LOC400499: variants seen among roughly 807,000 people sequenced by gnomAD.
the LOC400499 span, among the ~76,000 whole-genome samples, chr16:11,459,185 C>G: frequency 6.7e-6 from 1 of 148,362 alleles, no homozygotes; most frequent in Non-Finnish European, 1.5e-5. Flanking sequence ...ATATCCTAAA[C>G]CAATTTTTTT....
chr16:11,464,937 T>G, the LOC400499 span, among the ~76,000 whole-genome samples: 1 of 152,196 alleles, frequency 6.6e-6, no homozygotes, highest in African/African-American at 2.4e-5. Flanking sequence ...GGTGGAGCTT[T>G]AGGAGGAAGA....
chr16:11,516,473 T>C, the LOC400499 span, among the ~76,000 whole-genome samples: 25 of 152,262 alleles, frequency 1.6e-4, no homozygotes, highest in South Asian at 4.8e-3. Flanking sequence ...CCTCTGCAGC[T>C]GGGCTCTGGG....
At chr16:11,457,062 A>C in the LOC400499 span, 2 of 1,499,242 alleles carry the variant, frequency 1.3e-6, no homozygotes, top group Non-Finnish European at 1.8e-6. Context: ...CACCCCCCCA[A>C]GATGCCAATG....
chr16:11,392,901 T>A, the LOC400499 span: 1 of 651,684 alleles, frequency 1.5e-6, no homozygotes, highest in Non-Finnish European at 1.9e-6. Flanking sequence ...TCGCCTAGGC[T>A]GGTGTGTGGT....
the LOC400499 span, chr16:11,488,924 C>T: frequency 1.2e-3 from 482 of 398,260 alleles, 3 homozygotes; most frequent in Non-Finnish European, 9.8e-4. Flanking sequence ...CAGGAGCTGG[C>T]GCTGTCCAGA....
chr16:11,383,842 A>G, the LOC400499 span: 1 of 1,232,174 alleles, frequency 8.1e-7, no homozygotes, highest in Non-Finnish European at 1.0e-6. Flanking sequence ...AAGCTTGATG[A>G]GACAAAGGGC....
the LOC400499 span, among the ~76,000 whole-genome samples, chr16:11,406,475 C>A: frequency 0.14 from 21,143 of 152,246 alleles, 1,636 homozygotes; most frequent in Middle Eastern, 0.24. Context: ...TCTTGTCACC[C>A]AGGCCGCAGT....
the LOC400499 span, chr16:11,443,412 G>A: frequency 2.4e-6 from 1 of 412,024 alleles, no homozygotes; most frequent in African/African-American, 2.4e-5. Flanking sequence ...GGTGAGCTGA[G>A]ATCAAGTCAT....
the LOC400499 span, among the ~76,000 whole-genome samples, chr16:11,377,912 ATCT>A: frequency 2.6e-5 from 4 of 152,108 alleles, no homozygotes; most frequent in Non-Finnish European, 4.4e-5. Context: ...AAGGCATCTG[ATCT>A]TCTGCTTTTC....
At chr16:11,432,576 T>A in the LOC400499 span, among the ~76,000 whole-genome samples, 7 of 152,334 alleles carry the variant, frequency 4.6e-5, no homozygotes, top group Middle Eastern at 3.4e-3. Context: ...TCCAGGGTCA[T>A]AATGAGTGAT....
the LOC400499 span, among the ~76,000 whole-genome samples, chr16:11,473,941 G>A: frequency 4.6e-5 from 7 of 152,078 alleles, no homozygotes; most frequent in Non-Finnish European, 7.4e-5. Flanking sequence ...CTGTTGCCTC[G>A]ACCTCCTGGG....
the LOC400499 span, among the ~76,000 whole-genome samples, chr16:11,388,245 G>T: frequency 6.6e-6 from 1 of 152,156 alleles, no homozygotes; most frequent in African/African-American, 2.4e-5. Flanking sequence ...CACCAGGTAG[G>T]TGAGTAACCA....
chr16:11,495,866 CTT>C, the LOC400499 span, among the ~76,000 whole-genome samples: 2 of 152,196 alleles, frequency 1.3e-5, no homozygotes, highest in African/African-American at 4.8e-5. Context: ...AGAACTGAGA[CTT>C]AACCCAGGAG....
the LOC400499 span, among the ~76,000 whole-genome samples, chr16:11,421,538 AT>A: frequency 1.3e-5 from 2 of 152,042 alleles, no homozygotes; most frequent in Non-Finnish European, 2.9e-5. Flanking sequence ...AGTAGCTGGG[AT>A]TATACGCATG....
At chr16:11,518,193 T>C in the LOC400499 span, among the ~76,000 whole-genome samples, 2 of 152,230 alleles carry the variant, frequency 1.3e-5, no homozygotes, top group East Asian at 3.8e-4. Context: ...AGTGAGGATC[T>C]ATCTGTCCCT....
chr16:11,464,785 G>A, the LOC400499 span, among the ~76,000 whole-genome samples: 2 of 152,210 alleles, frequency 1.3e-5, no homozygotes, highest in South Asian at 4.1e-4. Context: ...ACATTTCCAG[G>A]CTGCAGGCAG....
the LOC400499 span, among the ~76,000 whole-genome samples, chr16:11,484,561 A>T: frequency 2.0e-5 from 3 of 152,188 alleles, no homozygotes; most frequent in Non-Finnish European, 4.4e-5. Context: ...TATTAACAAG[A>T]ACAGGAGTAC....
the LOC400499 span, chr16:11,390,278 C>G: frequency 3.2e-6 from 4 of 1,232,622 alleles, no homozygotes; most frequent in Non-Finnish European, 4.0e-6. Flanking sequence ...TGCTCACTCA[C>G]CAGCTCCAGG....
the LOC400499 span, chr16:11,462,007 T>C: frequency 5.1e-6 from 5 of 980,062 alleles, no homozygotes; most frequent in Non-Finnish European, 7.0e-6. Context: ...TTGGATGGGA[T>C]GTTGATATTA....
Sources: gnomAD v4.1 joint callset for allele counts (sites outside exome capture counted in the v4.1 genomes callset) on GRCh38, gnomAD v4.1.1 for gene constraint, MANE v1.5 for transcripts.